Variants in NLGN1 observed in about 807,000 individuals in gnomAD.
NLGN1 encodes the protein neuroligin-1.
Under a neutral mutation model 65.5 loss-of-function variants are expected in NLGN1, and 12 were observed. The observed-to-expected ratio is 0.18, with a 90% CI of 0.12 to 0.30. The LOEUF (loss-of-function observed/expected upper bound fraction) is 0.30. NLGN1 is among the 10% of genes least tolerant of loss of function. The pLI is 1.00. For synonymous variants in NLGN1, 350 were observed against 359.5 expected (o/e 0.97, Z 0.30); for missense variants, 750 against 1,007.1 (o/e 0.74, Z 3.46).
At chr3:173,930,954 G>A (rs1470684278) in intron 4 of NLGN1, among the ~76,000 whole-genome samples, 1 of 152,156 alleles carries the variant, frequency 6.6e-6, no homozygotes, top group African/African-American at 2.4e-5. Flanking sequence ...CTCACTCACA[G>A]TCTTTTTAAG....
intron 4 of NLGN1, among the ~76,000 whole-genome samples, chr3:174,148,198 TAAAAG>T (rs1444480325): frequency 2.0e-5 from 3 of 152,212 alleles, no homozygotes; most frequent in African/African-American, 7.2e-5. Flanking sequence ...TTTTCTGGTT[TAAAAG>T]AAAAGAGGTC....
chr3:174,011,946 A>G (rs1010000754), intron 4 of NLGN1, among the ~76,000 whole-genome samples: 3 of 152,320 alleles, frequency 2.0e-5, no homozygotes, highest in African/African-American at 7.2e-5. Flanking sequence ...TTTTCAGCCT[A>G]TAACAACAAA....
chr3:174,030,775 C>G (rs1057079582), intron 4 of NLGN1, among the ~76,000 whole-genome samples: 1 of 152,022 alleles, frequency 6.6e-6, no homozygotes, highest in Non-Finnish European at 1.5e-5. Flanking sequence ...TAAATAATAC[C>G]AAGGAAACTA....
chr3:173,777,111 G>T (rs1323668286), intron 3 of NLGN1, among the ~76,000 whole-genome samples: 1 of 151,886 alleles, frequency 6.6e-6, no homozygotes, highest in African/African-American at 2.4e-5. Flanking sequence ...AGAAGTTTCG[G>T]TCACCTCATC....
At chr3:174,031,173 G>A (rs1228993816) in intron 4 of NLGN1, among the ~76,000 whole-genome samples, 1 of 152,120 alleles carries the variant, frequency 6.6e-6, no homozygotes, top group African/African-American at 2.4e-5. Context: ...CTCCACACCA[G>A]TTCCTTCTCC....
chr3:173,608,187 A>G lies in NLGN1; in HGVS notation c.493+3096A>G, dbSNP rs148466240. 6.6e-5 allele frequency among the ~76,000 whole-genome samples: 10 copies of G among 152,034 alleles called. No homozygotes were observed. In the East Asian group the frequency reaches 1.9e-3, roughly 29 times the overall value. On this transcript the variant is annotated intron_variant, in intron 3 of 6. Coordinates refer to ENST00000457714, the Ensembl canonical transcript of NLGN1. ...AGAGCATTTACAATATTTTCCTGCA[A>G]TTAAAGAAAAAAGCTCATTTTTATC...
chr3:174,109,172 T>C (rs1005585189), intron 4 of NLGN1, among the ~76,000 whole-genome samples: 1 of 152,028 alleles, frequency 6.6e-6, no homozygotes, highest in African/African-American at 2.4e-5. Flanking sequence ...AAACAATTAA[T>C]AGTATAATGC....
intron 2 of NLGN1, among the ~76,000 whole-genome samples, chr3:173,552,418 A>C (rs529806536): frequency 6.6e-6 from 1 of 152,072 alleles, no homozygotes; most frequent in African/African-American, 2.4e-5. Context: ...ACCTAATATG[A>C]GTGCCTCTAA....
At chr3:173,827,367 G>T (rs1578650460) in intron 4 of NLGN1, among the ~76,000 whole-genome samples, 2 of 152,038 alleles carry the variant, frequency 1.3e-5, no homozygotes, top group African/African-American at 2.4e-5. Context: ...TTATCTTAAG[G>T]CTGGGCAGGA....
intron 4 of NLGN1, among the ~76,000 whole-genome samples, chr3:174,235,951 G>T (rs913960383): frequency 6.6e-6 from 1 of 152,076 alleles, no homozygotes; most frequent in Non-Finnish European, 1.5e-5. Context: ...AAATATATTT[G>T]CTGGCTTATT....
At chr3:174,264,294 A>G (rs1307589934) in intron 4 of NLGN1, among the ~76,000 whole-genome samples, 2 of 150,220 alleles carry the variant, frequency 1.3e-5, no homozygotes, top group Non-Finnish European at 3.0e-5. Context: ...ACTTGGTTCC[A>G]TTCTCCCCAT....
intron 3 of NLGN1, among the ~76,000 whole-genome samples, chr3:173,607,078 GA>G (rs1281159229): frequency 6.6e-6 from 1 of 151,854 alleles, no homozygotes; most frequent in Non-Finnish European, 1.5e-5. Flanking sequence ...GTATGATGAA[GA>G]AAAAGATAAG....
chr3:173,917,043 A>G (rs1352295464), intron 4 of NLGN1, among the ~76,000 whole-genome samples: 1 of 152,184 alleles, frequency 6.6e-6, no homozygotes, highest in Non-Finnish European at 1.5e-5. Context: ...AATAACATAG[A>G]AAGGGAAGAA....
intron 2 of NLGN1, among the ~76,000 whole-genome samples, chr3:173,589,249 G>C (rs1217516514): frequency 6.6e-6 from 1 of 152,092 alleles, no homozygotes; most frequent in Non-Finnish European, 1.5e-5. Context: ...ATCCAGCTAC[G>C]CTTTATGTAC....
chr3:173,637,726 G>C (rs1266297190), intron 3 of NLGN1, among the ~76,000 whole-genome samples: 1 of 152,124 alleles, frequency 6.6e-6, no homozygotes, highest in Non-Finnish European at 1.5e-5. Context: ...AGCCTTGGGT[G>C]AAAAGACCAA....
intron 3 of NLGN1, among the ~76,000 whole-genome samples, chr3:173,770,241 G>A (rs1779382331): frequency 6.6e-6 from 1 of 152,062 alleles, no homozygotes; most frequent in Non-Finnish European, 1.5e-5. Flanking sequence ...TGCTCCTCAG[G>A]CCTTCACAGT....
At chr3:173,747,796 TTGTTC>T (rs1775709222) in intron 3 of NLGN1, among the ~76,000 whole-genome samples, 1 of 83,528 alleles carries the variant, frequency 1.2e-5, no homozygotes, top group African/African-American at 4.2e-5. Flanking sequence ...CTTCTTCTTC[TTGTTC>T]TTTTTTTTTT....
chr3:173,833,051 C>A (rs200852736), intron 4 of NLGN1, among the ~76,000 whole-genome samples: 1 of 36,162 alleles, frequency 2.8e-5, no homozygotes, highest in South Asian at 3.8e-4. Context: ...TATTACAATA[C>A]AATAAAAATC....
chr3:173,448,255 A>C (rs1038163285), intron 2 of NLGN1, among the ~76,000 whole-genome samples: 22 of 152,230 alleles, frequency 1.4e-4, no homozygotes, highest in Non-Finnish European at 2.8e-4. Context: ...TAATTTATTG[A>C]GAATTTTTAG....
Sources: gnomAD v4.1 joint callset for allele counts (sites outside exome capture counted in the v4.1 genomes callset) on GRCh38, gnomAD v4.1.1 for gene constraint, MANE v1.5 for transcripts, NCBI Gene and HGNC (gene_info 2026-07-23, HGNC 2026-07-21) for gene names.